The following CLK3 variants were observed in gnomAD, a reference collection of about 807,000 sequenced individuals.
CLK3 encodes the protein CDC like kinase 3.
CLK3 carries 24 observed loss-of-function variants against 65.2 expected under a neutral mutation model. That is an observed-to-expected ratio of 0.37 (90% CI 0.27 to 0.52). The LOEUF (loss-of-function observed/expected upper bound fraction) is 0.52, where lower values mean the gene tolerates loss of function less well. Ranked by LOEUF, CLK3 falls within the 20% of genes least tolerant of loss-of-function variation. The pLI is 0.92. For missense variants in CLK3, 506 were observed against 660.0 expected (o/e 0.77, Z 2.56); for synonymous variants, 252 against 240.8 (o/e 1.05, Z -0.43).
chr15:74,619,068 C>A, intron 1 of CLK3, 129 bp from the exon 2 acceptor site: 1 of 1,096,504 alleles, frequency 9.1e-7, no homozygotes, highest in Non-Finnish European at 1.3e-6. Flanking sequence ...ACTTCATAAA[C>A]CTCTGGGAGG....
In CLK3 at chr15:74,619,239, T is replaced by G; in HGVS notation, c.43T>G (p.Tyr15Asp). The change falls in exon 2 of 13, where the codon TAC (tyrosine) becomes GAC (aspartate). Residue 15 changes from tyrosine to aspartate, a missense_variant. By Grantham distance (160) the Tyr-to-Asp change is radical. This residue lies in a region of CLK3 where 181 missense variants were observed against 159.4 expected (regional missense o/e 1.14). Coordinates refer to ENST00000395066, the MANE Select transcript of CLK3 (RefSeq NM_001130028.2). Reference protein sequence around the residue: ...KRYRSPEPDPYLSYRWKRRRS... With the variant: ...KRYRSPEPDPDLSYRWKRRRS... Reference sequence around the variant, plus strand: ...ATACCGCTCCCCTGAACCAGACCCGTACCTGAGCTACCGATGGAAGAGGAG... The same window carrying G: ...ATACCGCTCCCCTGAACCAGACCCGGACCTGAGCTACCGATGGAAGAGGAG... 6.2e-7 allele frequency: 1 copy of G among 1,614,138 alleles called. No individual in the cohort carries two copies. Among genetic ancestry groups the G allele is most frequent in the Non-Finnish European group, 8.5e-7 (1 of 1,180,006 alleles).
Position 74,619,236 on chromosome 15 carries a change from C to A in CLK3, c.40C>A (p.Pro14Thr). The change falls in exon 2 of 13, where the codon CCG becomes ACG. Residue 14 changes from proline to threonine, a missense_variant. Physicochemically the swap from Pro to Thr is conservative, Grantham distance 38. Transcript: ENST00000395066. The part of the protein sequence containing the change: ...CKRYRSPEPD[P>T]YLSYRWKRRR... ...GCGATACCGCTCCCCTGAACCAGAC[C>A]CGTACCTGAGCTACCGATGGAAGAG... 1.9e-6 allele frequency: 3 copies of A among 1,614,162 alleles called. No homozygotes were observed. The highest frequency in any genetic ancestry group is 2.5e-6 in the Non-Finnish European group (3 of 1,180,016).
Position 74,624,989 on chromosome 15 carries a change from A to C in CLK3, c.621A>C (p.Lys207Asn). The change falls in exon 6 of 13, where the codon AAA becomes AAC. Residue 207 changes from lysine to asparagine, a missense_variant. Lys to Asn is a moderately conservative substitution (Grantham distance 94). This residue lies in a region of CLK3 where 325 missense variants were observed against 500.5 expected (regional missense o/e 0.65). Transcript: ENST00000395066. This position sits in a 1 kb window ranked among gnomAD's most constrained non-coding sequence, Gnocchi z 4.2. Reference sequence around the variant, plus strand: ...GGCTAGAAATCAACGTGCTCAAAAAAATCAAGGAGAAGGACAAAGAAAACA... The same window carrying C: ...GGCTAGAAATCAACGTGCTCAAAAACATCAAGGAGAAGGACAAAGAAAACA... ...AARLEINVLK[K>N]IKEKDKENKF... The C allele has an allele frequency of 1.2e-6, 2 of 1,613,940 alleles. No individual in the cohort carries two copies. The highest frequency in any genetic ancestry group is 8.5e-7 in the Non-Finnish European group (1 of 1,179,898).
Position 74,622,089 on chromosome 15 carries a change from C to T in CLK3, c.370-31C>T, listed in dbSNP as rs2062108340. The T allele has an allele frequency of 3.7e-6, 6 of 1,604,222 alleles. No homozygotes were observed. The highest frequency in any genetic ancestry group is 1.3e-5 in the African/African-American group (1 of 74,714). On this transcript the variant is annotated intron_variant, in intron 3 of 12. Transcript: ENST00000395066. This position sits in a 1 kb window ranked among gnomAD's most constrained non-coding sequence, Gnocchi z 4.6. Reference sequence around the variant, plus strand: ...CGGAACCGCCTACCATGCGATTGGTCGGATGGCGTTTCGGGGGGCGGTGCA... The same window carrying T: ...CGGAACCGCCTACCATGCGATTGGTTGGATGGCGTTTCGGGGGGCGGTGCA...
chr15:74,619,400 G>A, intron 2 of CLK3, 52 bp downstream of exon 2: 1 of 1,594,718 alleles, frequency 6.3e-7, no homozygotes, highest in Admixed American at 1.7e-5. Context: ...GCTGGGCTCA[G>A]CTGTGGCAGC....
Position 74,622,456 on chromosome 15 carries a change from C to G in CLK3, c.467-38C>G. On this transcript the variant is annotated intron_variant, in intron 4 of 12. Transcript: ENST00000395066. The surrounding 1 kb of genome is among the most constrained non-coding windows in gnomAD (Gnocchi z 4.6). ...CTTGCAGGAGCTGCCAACCCCCTGC[C>G]CTCCAGATTCTCATGCCCAATTTCT... 6.6e-7 allele frequency: 1 copy of G among 1,520,110 alleles called. No individual in the cohort carries two copies. The highest frequency in any genetic ancestry group is 1.4e-5 in the African/African-American group (1 of 72,020). The allele number at this position is 1,520,110 out of a possible 1,614,324, so 94.2% of individuals were successfully genotyped here. A position where few individuals can be genotyped will look rare whatever the true frequency, so the allele number is the denominator to read the frequency against.
upstream of CLK3, among the ~76,000 whole-genome samples, chr15:74,614,076 C>T (rs904620384): frequency 1.3e-5 from 2 of 152,212 alleles, no homozygotes; most frequent in African/African-American, 4.8e-5. Context: ...TGAAGTGGCG[C>T]GATCTCGGCT....
Position 74,627,630 on chromosome 15 carries a change from T to C in CLK3, c.1004T>C (p.Val335Ala). The stretch of plus-strand genomic sequence containing the variant: ...GACCATGAGCACCACACCACCATTG[T>C]GGCCACCCGTCACTATCGCCCGCCT... ...TFDHEHHTTI[V>A]ATRHYRPPEV... is the part of the protein sequence containing the mutation. The change falls in exon 9 of 13, where the codon GTG becomes GCG. Residue 335 changes from valine to alanine, a missense_variant. Transcript: ENST00000395066. This position sits in a 1 kb window ranked among gnomAD's most constrained non-coding sequence, Gnocchi z 4.3. 1 of 1,614,066 alleles carries C rather than the reference T, an allele frequency of 6.2e-7. No individual in the cohort carries two copies. The highest frequency in any genetic ancestry group is 8.5e-7 in the Non-Finnish European group (1 of 1,180,042).
At chr15:74,623,380 T>C (rs1436536552) in intron 5 of CLK3, among the ~76,000 whole-genome samples, 6 of 152,346 alleles carry the variant, frequency 3.9e-5, no homozygotes, top group African/African-American at 1.2e-4. Context: ...TGAATAAACA[T>C]GCTCAGGGTT....
chr15:74,613,902 A>ATCCT (rs1408572655), upstream of CLK3, among the ~76,000 whole-genome samples: 1 of 152,140 alleles, frequency 6.6e-6, no homozygotes, highest in Non-Finnish European at 1.5e-5. Flanking sequence ...ACCAGGCAGG[A>ATCCT]ATGGCATCTC....
intron 3 of CLK3, 103 bp downstream of exon 3, chr15:74,620,328 ACGTGCACTGGTGTG>A: frequency 6.7e-7 from 1 of 1,500,468 alleles, no homozygotes; most frequent in African/African-American, 1.4e-5. Context: ...AGCCCTGTGC[ACGTGCACTGGTGTG>A]CGTGCATGTG....
chr15:74,609,493 C>A (rs2061958637), intron 1 of CLK3, among the ~76,000 whole-genome samples: 1 of 152,268 alleles, frequency 6.6e-6, no homozygotes, highest in East Asian at 1.9e-4. Flanking sequence ...AGGAATGGGG[C>A]CCAGGCTCCC....
At chr15:74,620,290 A>G in intron 3 of CLK3, 65 bp downstream of exon 3, 2 of 1,597,348 alleles carry the variant, frequency 1.3e-6, no homozygotes, top group Non-Finnish European at 8.5e-7. Flanking sequence ...GCCTTCTCTC[A>G]GGCTGGCTGG....
chr15:74,627,713 T>C lies in CLK3; in HGVS notation c.1042+45T>C, dbSNP rs1351389551. 1 of 1,610,814 alleles carries C rather than the reference T, an allele frequency of 6.2e-7. No homozygotes were observed. ...GTGACCTTGTCATACTGGACTGTTG[T>C]TGGGAGGGTATGAGCAGAGGCAGTG... On this transcript the variant is annotated intron_variant, in intron 9 of 12. Coordinates refer to ENST00000395066, the MANE Select transcript of CLK3 (RefSeq NM_001130028.2). This position sits in a 1 kb window ranked among gnomAD's most constrained non-coding sequence, Gnocchi z 4.3.
At chr15:74,626,263 C>T (rs1186690264) in intron 7 of CLK3, among the ~76,000 whole-genome samples, 2 of 152,244 alleles carry the variant, frequency 1.3e-5, no homozygotes. Flanking sequence ...CCCTGCCTCC[C>T]TGCTTCATGC....
chr15:74,619,243 T>C lies in CLK3; in HGVS notation c.47T>C (p.Leu16Pro). The C allele has an allele frequency of 6.2e-7, 1 of 1,614,148 alleles. No homozygotes were observed. The highest frequency in any genetic ancestry group is 8.5e-7 in the Non-Finnish European group (1 of 1,180,002). Residue 16 changes from leucine (L) to proline (P), a missense_variant, in exon 2 of 13, where the codon CTG becomes CCG. By Grantham distance (98) the Leu-to-Pro change is moderately conservative (BLOSUM62 -3). This residue lies in a region of CLK3 where 181 missense variants were observed against 159.4 expected (regional missense o/e 1.14). Coordinates refer to ENST00000395066, the MANE Select transcript of CLK3 (RefSeq NM_001130028.2). ...RYRSPEPDPY[L>P]SYRWKRRRSY... Reference sequence around the variant, plus strand: ...CGCTCCCCTGAACCAGACCCGTACCTGAGCTACCGATGGAAGAGGAGGAGG... The same window carrying C: ...CGCTCCCCTGAACCAGACCCGTACCCGAGCTACCGATGGAAGAGGAGGAGG...
rs1245130116 is a variant in CLK3, at chr15:74,620,153, G to T, written c.297G>T (p.Gly99=). Residue 99 remains glycine (G), a synonymous_variant, in exon 3 of 13, where the codon GGG becomes GGT. Transcript: ENST00000395066. ...SRHRRRSRER[G]PYRTRKHAHH... is the part of the protein sequence containing the mutation. ...ATCGTCGGCGATCGCGGGAGAGGGGGCCATACCGGACCCGCAAGCATGCCC... is the reference window on the plus strand; with the variant it reads ...ATCGTCGGCGATCGCGGGAGAGGGGTCCATACCGGACCCGCAAGCATGCCC... 3 of 1,614,104 alleles carry T rather than the reference G, an allele frequency of 1.9e-6. No homozygotes were observed. The highest frequency in any genetic ancestry group is 2.5e-6 in the Non-Finnish European group (3 of 1,180,044).
In CLK3 at chr15:74,622,098, T is replaced by TTTGGCG; in HGVS notation, c.370-20_370-19insGGCGTT. On this transcript the variant is annotated intron_variant, in intron 3 of 12. Coordinates refer to ENST00000395066, the MANE Select transcript of CLK3 (RefSeq NM_001130028.2). The surrounding 1 kb of genome is among the most constrained non-coding windows in gnomAD (Gnocchi z 4.6). Reference sequence around the variant, plus strand: ...CTACCATGCGATTGGTCGGATGGCGTTTCGGGGGGCGGTGCATGCAGAGAA... The same window carrying TTTGGCG: ...CTACCATGCGATTGGTCGGATGGCGTTTGGCGTTCGGGGGGCGGTGCATGCAGAGAA... 1 of 1,612,438 alleles carries TTTGGCG rather than the reference T, an allele frequency of 6.2e-7. No homozygotes were observed. Among genetic ancestry groups the TTTGGCG allele is most frequent in the Non-Finnish European group, 8.5e-7 (1 of 1,178,632 alleles).
chr15:74,615,956 C>T (rs1487058330), intron 1 of CLK3, 58 bp downstream of exon 1: 4 of 1,186,538 alleles, frequency 3.4e-6, no homozygotes, highest in African/African-American at 3.2e-5. Flanking sequence ...GGGGGTGAGT[C>T]GGCGGGGCAG....
Sources: allele counts gnomAD v4.1 joint callset (sites outside exome capture counted in the v4.1 genomes callset), GRCh38; gene constraint gnomAD v4.1.1; regional missense constraint gnomAD v4.1.1; non-coding constraint Gnocchi (gnomAD v3.1); transcripts MANE v1.5; gene names NCBI Gene and HGNC (gene_info 2026-07-23, HGNC 2026-07-21).